ATE1: variants seen among roughly 807,000 people sequenced by gnomAD.
The protein encoded by ATE1 is arginyl-tRNA--protein transferase 1.
A neutral mutation model predicts 70.5 loss-of-function variants in ATE1; 36 were observed. The ratio of observed to expected loss-of-function variants is 0.51; its 90% CI spans 0.39 to 0.67. ATE1 has a LOEUF of 0.67. Ranked by LOEUF, ATE1 falls within the 30% of genes least tolerant of loss-of-function variation. The probability of loss-of-function intolerance (pLI) is 0.00; values close to 1 mark genes in which losing one functional copy is unlikely to be tolerated. For missense variants in ATE1, 593 were observed against 629.5 expected, an observed-to-expected ratio of 0.94 and a Z score of 0.62; for synonymous variants, 232 against 219.3, an observed-to-expected ratio of 1.06 and a Z score of -0.51.
chr10:121,847,152 T>G (rs1404974497), intron 8 of ATE1, among the ~76,000 whole-genome samples: 1 of 152,128 alleles, frequency 6.6e-6, no homozygotes, highest in Admixed American at 6.5e-5. Context: ...TACCTGTCTT[T>G]AAAAATAATC....
intron 3 of ATE1, among the ~76,000 whole-genome samples, chr10:121,916,363 A>C (rs939206808): frequency 2.6e-5 from 4 of 152,156 alleles, no homozygotes; most frequent in African/African-American, 9.7e-5. Flanking sequence ...ATTCTAGAAA[A>C]ATTATTTTCA....
At chr10:121,848,304 ATT>A (rs1200623070) in intron 8 of ATE1, among the ~76,000 whole-genome samples, 3 of 151,886 alleles carry the variant, frequency 2.0e-5, no homozygotes, top group African/African-American at 7.3e-5. Flanking sequence ...TCATTCATTC[ATT>A]CATTCATTCA....
intron 8 of ATE1, among the ~76,000 whole-genome samples, chr10:121,865,112 G>A (rs535774918): frequency 6.6e-6 from 1 of 152,244 alleles, no homozygotes; most frequent in African/African-American, 2.4e-5. Context: ...CATACTAGTA[G>A]CTGTGATATT....
Position 121,756,439 on chromosome 10 carries a change from C to T in ATE1, c.1379-12581G>A, listed in dbSNP as rs150867706. 3.8e-3 allele frequency among the ~76,000 whole-genome samples: 584 copies of T among 152,328 alleles called. 4 individuals carry two copies. The highest frequency in any genetic ancestry group is 0.013 in the African/African-American group (538 of 41,580). Reference sequence around the variant, plus strand: ...CCTCTCTTCTCACAGCCCCACCCAGCGGTGTCCCAGTAAGGACTCTGTGGG... The same window carrying T: ...CCTCTCTTCTCACAGCCCCACCCAGTGGTGTCCCAGTAAGGACTCTGTGGG... On this transcript the variant is annotated intron_variant, in intron 11 of 11. Transcript: ENST00000224652.
At chr10:121,906,746 G>C (rs1047098995) in intron 5 of ATE1, among the ~76,000 whole-genome samples, 8 of 151,832 alleles carry the variant, frequency 5.3e-5, no homozygotes, top group Non-Finnish European at 7.4e-5. Context: ...TTTCCGACAC[G>C]CACCTCTACC....
At position 121,765,300 on chromosome 10, in the gene ATE1, G is replaced by C. The variant is rs559007415; in HGVS notation, c.1379-21442C>G. ...TTCAGTACAAATGTATGGTCAAGGA[G>C]GCAGAAGAAAAAAAGCTCTGCCAGA... On this transcript the variant is annotated intron_variant, in intron 11 of 11. Coordinates refer to ENST00000224652, the MANE Select transcript of ATE1 (RefSeq NM_001001976.3). 2.1e-5 allele frequency among the ~76,000 whole-genome samples: 3 copies of C among 143,980 alleles called. No individual in the cohort carries two copies. In the South Asian group the frequency reaches 7.0e-4, roughly 34 times the overall value. 94.5% of individuals were successfully genotyped at this position (143,980 alleles called of 152,430 possible).
intron 7 of ATE1, among the ~76,000 whole-genome samples, chr10:121,896,135 T>C (rs886625341): frequency 3.3e-5 from 5 of 152,216 alleles, no homozygotes; most frequent in Non-Finnish European, 7.3e-5. Flanking sequence ...AACGTATTCC[T>C]TTACCCCTCA....
intron 10 of ATE1, among the ~76,000 whole-genome samples, chr10:121,830,566 T>C (rs1039013904): frequency 1.6e-4 from 24 of 152,216 alleles, no homozygotes; most frequent in African/African-American, 5.3e-4. Flanking sequence ...TATCCTGTTA[T>C]ATAAATACAG....
intron 7 of ATE1, among the ~76,000 whole-genome samples, chr10:121,894,951 T>A (rs1950721871): frequency 6.6e-6 from 1 of 151,996 alleles, no homozygotes; most frequent in Non-Finnish European, 1.5e-5. Context: ...GAATACACAA[T>A]TCTCCAAAGA....
intron 7 of ATE1, among the ~76,000 whole-genome samples, chr10:121,871,447 G>A (rs373989796): frequency 2.6e-5 from 4 of 152,068 alleles, no homozygotes; most frequent in East Asian, 1.9e-4. Context: ...AGACTAGGGC[G>A]AGACTCTGTC....
intron 10 of ATE1, 38 bp from the exon 11 acceptor site, chr10:121,790,327 A>C (rs1308286627): frequency 6.2e-7 from 1 of 1,606,404 alleles, no homozygotes; most frequent in African/African-American, 1.3e-5. Flanking sequence ...AGGCATTATT[A>C]ACACAGCAAT....
chr10:121,781,537 T>A (rs1261336509), intron 11 of ATE1, among the ~76,000 whole-genome samples: 1 of 152,146 alleles, frequency 6.6e-6, no homozygotes, highest in Admixed American at 6.5e-5. Context: ...CAATAACACA[T>A]CCTTCTACTG....
At chr10:121,773,195 C>G (rs1419972245) in intron 11 of ATE1, among the ~76,000 whole-genome samples, 1 of 152,190 alleles carries the variant, frequency 6.6e-6, no homozygotes, top group Non-Finnish European at 1.5e-5. Context: ...TAAATCTCCC[C>G]AAATGACCTA....
chr10:121,787,156 A>C (rs1946250235), intron 11 of ATE1, among the ~76,000 whole-genome samples: 1 of 152,212 alleles, frequency 6.6e-6, no homozygotes, highest in African/African-American at 2.4e-5. Context: ...CCTTGAAGCC[A>C]CAGTTGGTTT....
Position 121,920,969 on chromosome 10 carries a change from A to G in ATE1, c.233+1380T>C, listed in dbSNP as rs1192785772. On this transcript the variant is annotated intron_variant, in intron 3 of 11. Transcript: ENST00000224652. ...AGATCGCGCCATTGCACTCCAGCCC[A>G]GGCGACAGTGCGAGACTCCGTCTCT... is the stretch of plus-strand genomic sequence containing the variant. 8.6e-5 allele frequency among the ~76,000 whole-genome samples: 13 copies of G among 151,856 alleles called. No individual in the cohort carries two copies. In the East Asian group the frequency reaches 2.5e-3, roughly 29 times the overall value.
At chr10:121,901,707 C>T (rs1044395708) in intron 6 of ATE1, among the ~76,000 whole-genome samples, 4 of 152,218 alleles carry the variant, frequency 2.6e-5, no homozygotes, top group African/African-American at 7.2e-5. Flanking sequence ...CCACCTGCCT[C>T]GGCCTACCAA....
At chr10:121,751,532 T>G (rs1944580124) in intron 11 of ATE1, among the ~76,000 whole-genome samples, 1 of 152,256 alleles carries the variant, frequency 6.6e-6, no homozygotes. Flanking sequence ...AGTATCTTTT[T>G]GTGATTTTGA....
upstream of ATE1, chr10:121,928,455 G>A (rs1302417136): frequency 2.6e-6 from 4 of 1,510,338 alleles, no homozygotes; most frequent in South Asian, 1.2e-5. Context: ...GTCCGCTCGG[G>A]CCGACCACGC....
At chr10:121,881,419 T>C (rs1950219513) in intron 7 of ATE1, among the ~76,000 whole-genome samples, 1 of 152,158 alleles carries the variant, frequency 6.6e-6, no homozygotes, top group Admixed American at 6.5e-5. Flanking sequence ...CAAGAAGCTC[T>C]ACCACCAGAA....
Sources: gnomAD v4.1 joint callset for allele counts (sites outside exome capture counted in the v4.1 genomes callset) on GRCh38, gnomAD v4.1.1 for gene constraint, MANE v1.5 for transcripts, NCBI Gene and HGNC (gene_info 2026-07-23, HGNC 2026-07-21) for gene names.